Variants in ATP11C observed in about 807,000 individuals in gnomAD.
ATP11C encodes the protein phospholipid-transporting ATPase IG.
ATP11C carries 36 observed loss-of-function variants against 97.4 expected under a neutral mutation model. The observed-to-expected ratio is 0.37, with a 90% CI of 0.28 to 0.49. ATP11C has a LOEUF of 0.49. ATP11C is among the 20% of genes least tolerant of loss of function. The pLI, the probability that ATP11C is intolerant of heterozygous loss-of-function variation, is 0.98. For synonymous variants in ATP11C, 275 were observed against 290.9 expected (o/e 0.95, Z 0.56); for missense variants, 730 against 824.6 (o/e 0.89, Z 1.40).
chrX:139,860,084 G>A (rs1392178783), intron 1 of ATP11C, among the ~76,000 whole-genome samples: 2 of 82,653 alleles, frequency 2.4e-5, no homozygotes, highest in Admixed American at 1.8e-4. Flanking sequence ...CAGCCTGGGC[G>A]ACAGAGCGAG....
At chrX:139,877,022 T>C (rs2084485438) in intron 1 of ATP11C, among the ~76,000 whole-genome samples, 1 of 112,130 alleles carries the variant, frequency 8.9e-6, no homozygotes, top group Non-Finnish European at 1.9e-5. Context: ...GACATGCTAA[T>C]GAGGGAAACA....
rs190858328 is a variant in ATP11C at position 139,890,788 on chromosome X, T to C, written c.27+41228A>G. On this transcript the variant is annotated intron_variant, in intron 1 of 29. Transcript: ENST00000682941. ...GGGGGGTGTATAAAGTGCAACAGCA[T>C]CCAACAGGCTGGAGTACGCCATAAC... Among the ~76,000 whole-genome samples, 12 of 111,295 alleles carry C rather than the reference T, an allele frequency of 1.1e-4. No homozygotes were observed. The East Asian group carries it at 3.4e-3, about 32-fold the overall frequency.
chrX:139,921,091 GAAC>G (rs1241094241), intron 1 of ATP11C, among the ~76,000 whole-genome samples: 2 of 111,513 alleles, frequency 1.8e-5, no homozygotes, highest in African/African-American at 3.3e-5. Flanking sequence ...ACTGGAGGAG[GAAC>G]AAATATGAAA....
At chrX:139,782,502 A>G in intron 18 of ATP11C, 45 bp downstream of exon 18, 1 of 1,016,679 alleles carries the variant, frequency 9.8e-7, no homozygotes, top group Non-Finnish European at 1.4e-6. Context: ...GATCACACCC[A>G]AAACACTGGT....
At chrX:139,875,361 C>T (rs1476044052) in intron 1 of ATP11C, among the ~76,000 whole-genome samples, 1 of 101,298 alleles carries the variant, frequency 9.9e-6, no homozygotes, top group East Asian at 3.0e-4. Flanking sequence ...TTTGGGAGGC[C>T]GAGGTGGGCG....
chrX:139,775,929 G>A (rs921174983), intron 18 of ATP11C, among the ~76,000 whole-genome samples: 7 of 112,633 alleles, frequency 6.2e-5, no homozygotes, highest in African/African-American at 1.6e-4. Flanking sequence ...ACTCCAACCC[G>A]CTCTGACTTT....
At chrX:139,833,431 C>A (rs1423700416) in intron 1 of ATP11C, among the ~76,000 whole-genome samples, 1 of 111,575 alleles carries the variant, frequency 9.0e-6, no homozygotes, top group Non-Finnish European at 1.9e-5. Flanking sequence ...GGACCTGGCA[C>A]AGTGGCTTGG....
intron 1 of ATP11C, among the ~76,000 whole-genome samples, chrX:139,848,520 C>T (rs1408198611): frequency 9.2e-6 from 1 of 108,898 alleles, no homozygotes; most frequent in African/African-American, 3.4e-5. Flanking sequence ...ACAGGGGTCT[C>T]ACTATGTTGC....
intron 1 of ATP11C, among the ~76,000 whole-genome samples, chrX:139,896,662 C>T (rs899645768): frequency 9.7e-6 from 1 of 102,717 alleles, no homozygotes; most frequent in Admixed American, 1.1e-4. Context: ...TCTGCCCAGG[C>T]TGGAGTGCAG....
intron 13 of ATP11C, among the ~76,000 whole-genome samples, chrX:139,789,106 G>C (rs952153782): frequency 1.8e-5 from 2 of 110,004 alleles, no homozygotes; most frequent in Non-Finnish European, 3.8e-5. Flanking sequence ...GGGAGGCTGA[G>C]GCAGGAGAAT....
chrX:139,815,069 AC>A (rs1403324063), intron 4 of ATP11C, 84 bp from the exon 5 acceptor site: 2 of 491,548 alleles, frequency 4.1e-6, no homozygotes, highest in Non-Finnish European at 6.7e-6. Flanking sequence ...CCATGAGTCA[AC>A]ACCAAATATT....
chrX:139,876,326 A>C (rs1375163559), intron 1 of ATP11C, among the ~76,000 whole-genome samples: 1 of 112,223 alleles, frequency 8.9e-6, no homozygotes, highest in African/African-American at 3.2e-5. Context: ...AAAAATCACT[A>C]TCTCTAGAAG....
At chrX:139,804,319 T>TA (rs2082995976) in intron 6 of ATP11C, 152 bp downstream of exon 6, 1 of 428,921 alleles carries the variant, frequency 2.3e-6, no homozygotes, top group Non-Finnish European at 3.7e-6. Flanking sequence ...GCTTAGAAGT[T>TA]AAAAAACAAT....
chrX:139,906,911 A>G (rs1467577609), intron 1 of ATP11C, among the ~76,000 whole-genome samples: 1 of 111,636 alleles, frequency 9.0e-6, no homozygotes, highest in Non-Finnish European at 1.9e-5. Flanking sequence ...GGGGTCTGAT[A>G]AGGTCCTAGA....
chrX:139,757,390 C>T (rs1008487468), intron 23 of ATP11C, among the ~76,000 whole-genome samples: 2 of 111,679 alleles, frequency 1.8e-5, no homozygotes, highest in African/African-American at 6.5e-5. Context: ...TCTATAGCTG[C>T]TTTACGTAAT....
chrX:139,743,175 T>TCACA (rs745426001), intron 26 of ATP11C, among the ~76,000 whole-genome samples: 2 of 107,739 alleles, frequency 1.9e-5, no homozygotes, highest in Non-Finnish European at 1.9e-5. Context: ...CTTAACATAA[T>TCACA]CACACACACA....
intron 5 of ATP11C, among the ~76,000 whole-genome samples, chrX:139,814,502 G>A (rs1291417101): frequency 5.4e-5 from 6 of 112,028 alleles, no homozygotes; most frequent in Non-Finnish European, 1.1e-4. Flanking sequence ...ATCAGCTGGT[G>A]AATAAATAAA....
chrX:139,839,965 A>G (rs1014394135), intron 1 of ATP11C, among the ~76,000 whole-genome samples: 1 of 111,135 alleles, frequency 9.0e-6, no homozygotes, highest in African/African-American at 3.3e-5. Context: ...TGCTGATAAT[A>G]ATCCTTCAGA....
At chrX:139,813,188 T>C (rs1308947278) in intron 5 of ATP11C, among the ~76,000 whole-genome samples, 2 of 112,119 alleles carry the variant, frequency 1.8e-5, no homozygotes, top group Non-Finnish European at 3.8e-5. Context: ...CCATATCATA[T>C]GTTATCAGTG....
Sources: gnomAD v4.1 joint callset for allele counts (sites outside exome capture counted in the v4.1 genomes callset) on GRCh38, gnomAD v4.1.1 for gene constraint, MANE v1.5 for transcripts, NCBI Gene and HGNC (gene_info 2026-07-23, HGNC 2026-07-21) for gene names.